Variants in GRM7 observed in about 807,000 individuals in gnomAD.
GRM7 encodes glutamate metabotropic receptor 7, also known as metabotropic glutamate receptor 7.
GRM7 carries 35 observed loss-of-function variants against 84.5 expected under a neutral mutation model. The ratio of observed to expected loss-of-function variants is 0.41; its 90% confidence interval spans 0.32 to 0.55. GRM7 has a LOEUF of 0.55. Among genes scored for constraint, GRM7 ranks in the 20% least tolerant of loss-of-function variants. The pLI, the probability that GRM7 is intolerant of heterozygous loss-of-function variation, is 0.19. For synonymous variants in GRM7, 487 were observed against 455.1 expected, an observed-to-expected ratio of 1.07 and a Z score of -0.89; for missense variants, 1,003 against 1,194.6, an observed-to-expected ratio of 0.84 and a Z score of 2.36.
At chr3:7,175,223 A>G (rs1212281374) in intron 2 of GRM7, among the ~76,000 whole-genome samples, 1 of 152,244 alleles carries the variant, frequency 6.6e-6, no homozygotes, top group Admixed American at 6.5e-5. Flanking sequence ...AGCTCTCTGC[A>G]ATGCAGCCAG....
At chr3:6,962,605 C>T (rs1693344741) in intron 1 of GRM7, among the ~76,000 whole-genome samples, 1 of 152,092 alleles carries the variant, frequency 6.6e-6, no homozygotes, top group African/African-American at 2.4e-5. Flanking sequence ...CTATCAGTGA[C>T]ACAAATAATG....
intron 8 of GRM7, among the ~76,000 whole-genome samples, chr3:7,587,160 C>T (rs114545473): frequency 0.015 from 2,319 of 152,182 alleles, 27 homozygotes; most frequent in Non-Finnish European, 0.024. Flanking sequence ...AAACCCATTA[C>T]GAATTGCTTT....
chr3:6,894,109 C>T (rs1696078467), intron 1 of GRM7: 1 of 152,228 alleles, frequency 6.6e-6, no homozygotes, highest in South Asian at 2.1e-4. Flanking sequence ...GAAAATATTT[C>T]TATGTACAGA....
At chr3:6,933,867 T>A (rs1697594286) in intron 1 of GRM7, among the ~76,000 whole-genome samples, 2 of 152,326 alleles carry the variant, frequency 1.3e-5, no homozygotes, top group East Asian at 3.9e-4. Flanking sequence ...CTTTCTTTTT[T>A]AGTTAGCCAA....
intron 1 of GRM7, among the ~76,000 whole-genome samples, chr3:6,956,926 A>T (rs1335481716): frequency 1.3e-5 from 2 of 152,256 alleles, no homozygotes; most frequent in East Asian, 3.8e-4. Flanking sequence ...TTAAAATAAC[A>T]TGCAATGATA....
intron 1 of GRM7, among the ~76,000 whole-genome samples, chr3:7,084,780 A>C (rs1698385529): frequency 1.3e-5 from 2 of 152,250 alleles, no homozygotes; most frequent in Admixed American, 6.5e-5. Context: ...GGATTTCTTT[A>C]TTCGGGAAAT....
At chr3:7,093,297 T>TGGC (rs1269886145) in intron 1 of GRM7, among the ~76,000 whole-genome samples, 2 of 151,996 alleles carry the variant, frequency 1.3e-5, no homozygotes, top group Non-Finnish European at 2.9e-5. Flanking sequence ...GAGGCAAGTA[T>TGGC]TACTGGCTTC....
intron 8 of GRM7, among the ~76,000 whole-genome samples, chr3:7,656,679 G>C (rs1277941823): frequency 5.9e-5 from 9 of 151,902 alleles, no homozygotes; most frequent in Admixed American, 1.3e-4. Flanking sequence ...ATTTGTACCT[G>C]AGTCAAGATA....
intron 9 of GRM7, among the ~76,000 whole-genome samples, chr3:7,735,386 G>C (rs971595249): frequency 1.4e-5 from 1 of 73,756 alleles, no homozygotes; most frequent in African/African-American, 1.3e-4. Flanking sequence ...CACTAAAAAG[G>C]GGAGCAGGAG....
intron 1 of GRM7, among the ~76,000 whole-genome samples, chr3:6,873,446 A>G (rs1375435167): frequency 4.6e-5 from 7 of 152,162 alleles, no homozygotes; most frequent in African/African-American, 1.4e-4. Context: ...CATAGTTCAG[A>G]TTCCTGCTTT....
chr3:7,289,571 C>T (rs12493336), intron 2 of GRM7, among the ~76,000 whole-genome samples: 64,920 of 151,794 alleles, frequency 0.43, 14,028 homozygotes, highest in Middle Eastern at 0.53. Flanking sequence ...ATGTTTATTG[C>T]GGCACTATTC....
intron 4 of GRM7, among the ~76,000 whole-genome samples, chr3:7,365,664 T>C (rs552785235): frequency 5.7e-4 from 83 of 144,614 alleles, no homozygotes; most frequent in East Asian, 1.0e-3. Context: ...TATATATATA[T>C]ACACACACGC....
At chr3:7,521,320 C>T (rs1428457429) in intron 7 of GRM7, among the ~76,000 whole-genome samples, 1 of 152,144 alleles carries the variant, frequency 6.6e-6, no homozygotes, top group Non-Finnish European at 1.5e-5. Flanking sequence ...GTTTGTATCC[C>T]CTTAAAATTC....
At chr3:7,084,521 T>A (rs1055665579) in intron 1 of GRM7, among the ~76,000 whole-genome samples, 2 of 152,106 alleles carry the variant, frequency 1.3e-5, no homozygotes, top group African/African-American at 2.4e-5. Context: ...GAGGTATGTA[T>A]GAGAAAAGGG....
At chr3:7,556,424 A>C (rs1443008299) in intron 7 of GRM7, among the ~76,000 whole-genome samples, 1 of 152,138 alleles carries the variant, frequency 6.6e-6, no homozygotes, top group East Asian at 1.9e-4. Context: ...TAGTGCAAAG[A>C]CTCATTGTGA....
chr3:6,985,490 T>C (rs1353364387), intron 1 of GRM7, among the ~76,000 whole-genome samples: 1 of 152,202 alleles, frequency 6.6e-6, no homozygotes, highest in Non-Finnish European at 1.5e-5. Flanking sequence ...ACATTTTCAA[T>C]GTGTGGTTAT....
chr3:7,085,195 T>G (rs111907379), intron 1 of GRM7, among the ~76,000 whole-genome samples: 20 of 152,300 alleles, frequency 1.3e-4, no homozygotes, highest in African/African-American at 4.6e-4. Context: ...AATTTGCACC[T>G]ATTAATTTAA....
intron 9 of GRM7, among the ~76,000 whole-genome samples, chr3:7,700,783 A>G (rs1422249500): frequency 6.6e-6 from 1 of 152,218 alleles, no homozygotes; most frequent in East Asian, 1.9e-4. Flanking sequence ...AAAAAAGGAC[A>G]CTTACAAGTA....
chr3:7,287,409 T>G (rs1340612683), intron 2 of GRM7, among the ~76,000 whole-genome samples: 1 of 152,174 alleles, frequency 6.6e-6, no homozygotes. Context: ...GAAAACTCAA[T>G]GAACTCTTTG....
Sources: allele counts gnomAD v4.1 joint callset (sites outside exome capture counted in the v4.1 genomes callset), GRCh38; gene constraint gnomAD v4.1.1; transcripts MANE v1.5; gene names NCBI Gene and HGNC (gene_info 2026-07-23, HGNC 2026-07-21).